FERMT1: variants seen among roughly 807,000 people sequenced by gnomAD.
The protein encoded by FERMT1 is FERM domain containing kindlin 1.
A neutral mutation model predicts 85.3 loss-of-function variants in FERMT1; 60 were observed. The observed-to-expected ratio is 0.70, with a 90% confidence interval of 0.57 to 0.87. The LOEUF is 0.87. Ranked by LOEUF, FERMT1 falls within the 40% of genes least tolerant of loss-of-function variation. The probability of loss-of-function intolerance (pLI) is 0.00; values close to 1 mark genes in which losing one functional copy is unlikely to be tolerated. For missense variants in FERMT1, 701 were observed against 818.9 expected (o/e 0.86, Z 1.76); for synonymous variants, 275 against 301.1 (o/e 0.91, Z 0.90).
intron 13 of FERMT1, 134 bp downstream of exon 13, chr20:6,083,906 G>A (rs1195165080): frequency 3.9e-6 from 4 of 1,012,772 alleles, no homozygotes; most frequent in Non-Finnish European, 6.0e-6. Flanking sequence ...AAAGTGTCAG[G>A]ACTATTTATA....
chr20:6,110,218 C>T, intron 5 of FERMT1, 80 bp downstream of exon 5: 3 of 1,260,004 alleles, frequency 2.4e-6, no homozygotes, highest in Non-Finnish European at 3.4e-6. Context: ...GGCCTACCAA[C>T]TTGAAAATGA....
At position 6,074,928 on chromosome 20, in the gene FERMT1, C is replaced by T. The variant is rs1981767710; in HGVS notation, c.*2245G>A. On this transcript the variant is annotated 3_prime_UTR_variant, in exon 15 of 15. Transcript: ENST00000217289. ...TCTGAATCAACTGTAGATAAGGAAG[C>T]AAATGATGTTGAAAGGTGCCCATTA... 1 of 151,942 alleles carries T rather than the reference C, an allele frequency of 6.6e-6. No homozygotes were observed. The highest frequency in any genetic ancestry group is 1.5e-5 in the Non-Finnish European group (1 of 67,990). The allele number at this position is 151,942 out of a possible 1,614,324, so 9.4% of individuals were successfully genotyped here.
Position 6,122,860 on chromosome 20 carries a change from G to C in FERMT1, c.-105C>G, listed in dbSNP as rs6139922. The C allele has an allele frequency of 0.3, 46,358 of 152,540 alleles. 7,596 individuals are homozygous for C. Among genetic ancestry groups the C allele is most frequent in the South Asian group, 0.53 (2,561 of 4,834 alleles). 9.4% of individuals were successfully genotyped at this position (152,540 alleles called of 1,614,324 possible). A position where few individuals can be genotyped will look rare whatever the true frequency, so the allele number is the denominator to read the frequency against. ...TACAAACTACCCCGGGCCGAGCCGA[G>C]GAGCGGGCGCTGGCGAAGTGGGGAG... On this transcript the variant is annotated 5_prime_UTR_variant, in exon 1 of 15. Coordinates refer to ENST00000217289, the MANE Select transcript of FERMT1 (RefSeq NM_017671.5).
chr20:6,097,842 T>C (rs748695221), intron 6 of FERMT1, among the ~76,000 whole-genome samples: 2 of 151,576 alleles, frequency 1.3e-5, no homozygotes, highest in Non-Finnish European at 2.9e-5. Context: ...TGAGACAGGG[T>C]CTCACTCTGT....
intron 14 of FERMT1, among the ~76,000 whole-genome samples, chr20:6,078,801 A>G (rs1215213880): frequency 2.0e-5 from 3 of 152,126 alleles, no homozygotes; most frequent in Non-Finnish European, 4.4e-5. Context: ...AGCTGCCTCT[A>G]ACTTCATCTG....
At position 6,075,740 on chromosome 20, in the gene FERMT1, G is replaced by T. The variant is rs996389545; in HGVS notation, c.*1433C>A. ...GGAACTCTGGCCAGGCTCCCTGAGGGGTGCATCCTAGGAGAACTGAAAAAT... is the reference window on the plus strand; with the variant it reads ...GGAACTCTGGCCAGGCTCCCTGAGGTGTGCATCCTAGGAGAACTGAAAAAT... On this transcript the variant is annotated 3_prime_UTR_variant, in exon 15 of 15. Transcript: ENST00000217289. 5.3e-5 allele frequency: 8 copies of T among 152,278 alleles called. No individual in the cohort carries two copies. The highest frequency in any genetic ancestry group is 5.2e-4 in the Admixed American group (8 of 15,282). 9.4% of individuals were successfully genotyped at this position (152,278 alleles called of 1,614,324 possible).
chr20:6,102,679 G>GAAAAAAAAA (rs769578429), intron 6 of FERMT1, among the ~76,000 whole-genome samples: 29 of 50,710 alleles, frequency 5.7e-4, no homozygotes, highest in African/African-American at 1.8e-3. Context: ...TGTGTCTCAA[G>GAAAAAAAAA]AAAAAAAAAA....
chr20:6,088,186 TAAATC>T (rs759675385), intron 10 of FERMT1, among the ~76,000 whole-genome samples: 14 of 152,208 alleles, frequency 9.2e-5, no homozygotes, highest in Admixed American at 2.0e-4. Flanking sequence ...AACTTTAAAA[TAAATC>T]AAAGCAGAAG....
chr20:6,107,215 AAAAAAAG>A (rs1207659547), intron 6 of FERMT1, among the ~76,000 whole-genome samples: 1 of 151,606 alleles, frequency 6.6e-6, no homozygotes, highest in African/African-American at 2.4e-5. Flanking sequence ...AAAAAAAAAA[AAAAAAAG>A]AACTCCAGCT....
intron 5 of FERMT1, among the ~76,000 whole-genome samples, chr20:6,109,960 G>A (rs1488798578): frequency 6.6e-6 from 1 of 151,716 alleles, no homozygotes; most frequent in Non-Finnish European, 1.5e-5. Flanking sequence ...AAGCCTGGTG[G>A]GTCACCTTGG....
intron 13 of FERMT1, among the ~76,000 whole-genome samples, chr20:6,083,167 A>C (rs1246742454): frequency 1.3e-5 from 2 of 152,224 alleles, no homozygotes; most frequent in Non-Finnish European, 2.9e-5. Flanking sequence ...TGAACTGAAG[A>C]ATGTAATTTG....
intron 11 of FERMT1, 28 bp downstream of exon 11, chr20:6,087,749 G>A: frequency 3.2e-6 from 4 of 1,238,540 alleles, no homozygotes; most frequent in Non-Finnish European, 4.8e-6. Context: ...GAGGTGAAGT[G>A]ACTTAATATT....
At chr20:6,121,852 A>C (rs2123161698) in intron 1 of FERMT1, among the ~76,000 whole-genome samples, 1 of 152,344 alleles carries the variant, frequency 6.6e-6, no homozygotes, top group Non-Finnish European at 1.5e-5. Context: ...TACGTGAACT[A>C]AATTCTCAGT....
At chr20:6,102,679 G>GAAAAAAAA (rs769578429) in intron 6 of FERMT1, among the ~76,000 whole-genome samples, 58 of 50,550 alleles carry the variant, frequency 1.1e-3, no homozygotes, top group African/African-American at 1.5e-3. Context: ...TGTGTCTCAA[G>GAAAAAAAA]AAAAAAAAAA....
chr20:6,103,419 CTG>C (rs1398585943), intron 6 of FERMT1, among the ~76,000 whole-genome samples: 3 of 152,198 alleles, frequency 2.0e-5, no homozygotes, highest in African/African-American at 7.2e-5. Flanking sequence ...GTGAGTATAA[CTG>C]TGCTATAAAC....
intron 6 of FERMT1, among the ~76,000 whole-genome samples, chr20:6,099,719 A>T (rs960571451): frequency 2.7e-5 from 4 of 148,474 alleles, no homozygotes; most frequent in South Asian, 2.2e-4. Flanking sequence ...CTATTTTTTT[A>T]AAAAAGTGGC....
Position 6,110,370 on chromosome 20 carries a change from G to T in FERMT1, c.674C>A (p.Pro225His), listed in dbSNP as rs375933266. The change falls in exon 5 of 15, where the codon CCC becomes CAC. Residue 225 changes from proline (P) to histidine (H), a missense_variant. Physicochemically the swap from Pro to His is moderately conservative, Grantham distance 77. Transcript: ENST00000217289. ...NCSILAFSQP[P>H]QSPEALADMY... ...ATCCGCAAGTGCTTCTGGGGACTGGGGGGGTTGGCTGAATGCGAGGATGCT... is the reference window on the plus strand; with the variant it reads ...ATCCGCAAGTGCTTCTGGGGACTGGTGGGGTTGGCTGAATGCGAGGATGCT... 1.2e-6 allele frequency: 2 copies of T among 1,613,860 alleles called. No homozygotes were observed. Among genetic ancestry groups the T allele is most frequent in the African/African-American group, 2.7e-5 (2 of 74,894 alleles).
At position 6,076,265 on chromosome 20, in the gene FERMT1, T is replaced by C. The variant is rs1981817098; in HGVS notation, c.*908A>G. 1.7e-5 allele frequency: 6 copies of C among 359,470 alleles called. No individual in the cohort carries two copies. The highest frequency in any genetic ancestry group is 3.3e-5 in the Non-Finnish European group (6 of 180,884). The allele number at this position is 359,470 out of a possible 1,614,324, so 22.3% of individuals were successfully genotyped here. A position where few individuals can be genotyped will look rare whatever the true frequency, so the allele number is the denominator to read the frequency against. ...GGTCTGCCCTTCTCTCCCTGACCAG[T>C]TGGGATAGACACCTGACTGGAATCC... On this transcript the variant is annotated 3_prime_UTR_variant, in exon 15 of 15. Transcript: ENST00000217289.
At chr20:6,087,702 G>T in intron 11 of FERMT1, 75 bp downstream of exon 11, 1 of 823,410 alleles carries the variant, frequency 1.2e-6, no homozygotes, top group South Asian at 1.3e-5. Context: ...CTCTAAATTT[G>T]TGAAAACATT....
Sources: gnomAD v4.1 joint callset for allele counts (sites outside exome capture counted in the v4.1 genomes callset) on GRCh38, gnomAD v4.1.1 for gene constraint, MANE v1.5 for transcripts, NCBI Gene and HGNC (gene_info 2026-07-23, HGNC 2026-07-21) for gene names.